Variants in LEPR observed in about 807,000 individuals in gnomAD.
The protein encoded by LEPR is leptin receptor, also known as OB receptor.
LEPR carries 56 observed loss-of-function variants against 114.7 expected under a neutral mutation model. The ratio of observed to expected loss-of-function variants is 0.49; its 90% CI spans 0.39 to 0.61. LEPR has a LOEUF of 0.61. Among genes scored for constraint, LEPR ranks in the 20% least tolerant of loss-of-function variants. The pLI is 0.00. For synonymous variants in LEPR, 443 were observed against 461.4 expected (o/e 0.96, Z 0.51); for missense variants, 1,202 against 1,352.9 (o/e 0.89, Z 1.75).
At chr1:65,618,257 C>T in intron 16 of LEPR, 111 bp downstream of exon 16, 1 of 878,650 alleles carries the variant, frequency 1.1e-6, no homozygotes, top group African/African-American at 1.7e-5. Context: ...ATAGAGGATA[C>T]TACCATCCTA....
At chr1:65,551,549 G>GGT (rs2100720986) in intron 2 of LEPR, among the ~76,000 whole-genome samples, 1 of 152,194 alleles carries the variant, frequency 6.6e-6, no homozygotes, top group South Asian at 2.1e-4. Context: ...TGGGATCAGT[G>GGT]GTGATATACC....
At chr1:65,525,411 T>C (rs1257501778) in intron 2 of LEPR, among the ~76,000 whole-genome samples, 1 of 152,104 alleles carries the variant, frequency 6.6e-6, no homozygotes, top group East Asian at 1.9e-4. Context: ...TCGGCCTCCC[T>C]GCGGGCAGGG....
chr1:65,453,217 T>C (rs1005513677), intron 2 of LEPR, among the ~76,000 whole-genome samples: 6 of 152,158 alleles, frequency 3.9e-5, no homozygotes, highest in African/African-American at 1.4e-4. Flanking sequence ...TTGTTGATCC[T>C]TTCAAAAAAC....
chr1:65,530,153 G>A (rs571205575), intron 2 of LEPR, among the ~76,000 whole-genome samples: 2 of 152,274 alleles, frequency 1.3e-5, no homozygotes, highest in South Asian at 2.1e-4. Context: ...ACTATCTGCA[G>A]TCTTCCTCAT....
intron 19 of LEPR, among the ~76,000 whole-genome samples, chr1:65,624,393 C>CCGAACTCTAAACAAG (rs1658072493): frequency 6.6e-6 from 1 of 152,094 alleles, no homozygotes; most frequent in Non-Finnish European, 1.5e-5. Flanking sequence ...GGTTCGGTAA[C>CCGAACTCTAAACAAG]TTGTTTTAGA....
At chr1:65,555,339 C>T (rs1236424102) in intron 2 of LEPR, among the ~76,000 whole-genome samples, 1 of 152,140 alleles carries the variant, frequency 6.6e-6, no homozygotes, top group African/African-American at 2.4e-5. Flanking sequence ...GTTTGAGACC[C>T]ACATATCACC....
chr1:65,623,078 G>T lies in LEPR; in HGVS notation c.2673+97G>T, dbSNP rs1217973629. On this transcript the variant is annotated intron_variant, in intron 19 of 19. Transcript: ENST00000349533. ...ATTAAGCATTTTTAAGATTTAAAAGGTCATATTTTATTCAATTCATCTTAA... is the reference window on the plus strand; with the variant it reads ...ATTAAGCATTTTTAAGATTTAAAAGTTCATATTTTATTCAATTCATCTTAA... 5.1e-6 allele frequency: 6 copies of T among 1,184,596 alleles called. No individual in the cohort carries two copies. The Admixed American group carries it at 6.4e-5, about 13-fold the overall frequency. The allele number at this position is 1,184,596 out of a possible 1,614,324, so 73.4% of individuals were successfully genotyped here.
chr1:65,557,498 C>G (rs1364750715), intron 2 of LEPR, among the ~76,000 whole-genome samples: 6 of 152,178 alleles, frequency 3.9e-5, no homozygotes, highest in Non-Finnish European at 8.8e-5. Context: ...CAGCTCACTG[C>G]AACCTTCACC....
chr1:65,490,701 A>G (rs1305850618), intron 2 of LEPR, among the ~76,000 whole-genome samples: 1 of 152,144 alleles, frequency 6.6e-6, no homozygotes, highest in African/African-American at 2.4e-5. Context: ...CTTCTTAAGC[A>G]TTTTACGGAA....
intron 2 of LEPR, among the ~76,000 whole-genome samples, chr1:65,468,110 G>A (rs1647037818): frequency 6.6e-6 from 1 of 152,156 alleles, no homozygotes; most frequent in South Asian, 2.1e-4. Context: ...GAAATCACCT[G>A]TCTTCTGCAT....
At chr1:65,461,306 T>C (rs1646943091) in intron 2 of LEPR, among the ~76,000 whole-genome samples, 1 of 152,040 alleles carries the variant, frequency 6.6e-6, no homozygotes, top group South Asian at 2.1e-4. Flanking sequence ...CATTCTTCAG[T>C]AAAATAAACC....
chr1:65,498,029 T>C (rs1349032263), intron 2 of LEPR, among the ~76,000 whole-genome samples: 1 of 152,118 alleles, frequency 6.6e-6, no homozygotes, highest in Non-Finnish European at 1.5e-5. Context: ...CCTGATAAAA[T>C]GTGGCATCAT....
At chr1:65,605,281 G>A (rs372651658) in intron 11 of LEPR, 44 bp downstream of exon 11, 2 of 1,605,642 alleles carry the variant, frequency 1.2e-6, no homozygotes, top group African/African-American at 2.7e-5. Context: ...TAGCAGATTT[G>A]TATGCAGATT....
At chr1:65,505,452 G>A (rs184549081) in intron 2 of LEPR, among the ~76,000 whole-genome samples, 2 of 152,016 alleles carry the variant, frequency 1.3e-5, no homozygotes, top group Non-Finnish European at 2.9e-5. Flanking sequence ...TTTTTCTGCC[G>A]TTTTTTGACC....
At chr1:65,567,662 G>A (rs1653865708) in intron 3 of LEPR, among the ~76,000 whole-genome samples, 1 of 152,050 alleles carries the variant, frequency 6.6e-6, no homozygotes, top group African/African-American at 2.4e-5. Flanking sequence ...TGTATTGTTT[G>A]AATATTTTCA....
intron 2 of LEPR, among the ~76,000 whole-genome samples, chr1:65,438,114 T>TC (rs1491346049): frequency 1.1e-4 from 2 of 18,386 alleles, no homozygotes; most frequent in Non-Finnish European, 2.8e-4. Flanking sequence ...CCTAGCCGCC[T>TC]TTTTTTTTTT....
intron 2 of LEPR, among the ~76,000 whole-genome samples, chr1:65,496,321 C>G (rs796825850): frequency 1.3e-5 from 2 of 152,116 alleles, no homozygotes; most frequent in African/African-American, 4.8e-5. Context: ...GCTTATAATC[C>G]CAGGACTTTG....
intron 2 of LEPR, among the ~76,000 whole-genome samples, chr1:65,496,939 T>A (rs1648190069): frequency 6.6e-6 from 1 of 152,020 alleles, no homozygotes; most frequent in African/African-American, 2.4e-5. Flanking sequence ...CTCCAGGTGA[T>A]TCATGTGCAC....
intron 2 of LEPR, among the ~76,000 whole-genome samples, chr1:65,553,714 C>T (rs1258296651): frequency 6.6e-6 from 1 of 152,144 alleles, no homozygotes; most frequent in African/African-American, 2.4e-5. Context: ...AAGCCTACTT[C>T]TGTCAATTCA....
Sources: gnomAD v4.1 joint callset for allele counts (sites outside exome capture counted in the v4.1 genomes callset) on GRCh38, gnomAD v4.1.1 for gene constraint, MANE v1.5 for transcripts, NCBI Gene and HGNC (gene_info 2026-07-23, HGNC 2026-07-21) for gene names.